ALDH18A1: variants seen among roughly 807,000 people sequenced by gnomAD.
The protein encoded by ALDH18A1 is aldehyde dehydrogenase 18 family member A1.
ALDH18A1 carries 44 observed loss-of-function variants against 88.8 expected under a neutral mutation model. That is an observed-to-expected ratio of 0.50 (90% confidence interval 0.39 to 0.64). ALDH18A1 has a LOEUF of 0.64. ALDH18A1 is among the 30% of genes least tolerant of loss of function. The probability of loss-of-function intolerance (pLI) is 0.00; values close to 1 mark genes in which losing one functional copy is unlikely to be tolerated. For synonymous variants in ALDH18A1, 331 were observed against 372.1 expected, an observed-to-expected ratio of 0.89 and a Z score of 1.27; for missense variants, 782 against 1,009.5, an observed-to-expected ratio of 0.77 and a Z score of 3.05.
chr10:95,654,043 G>T (rs1396150652), intron 1 of ALDH18A1, among the ~76,000 whole-genome samples: 1 of 152,158 alleles, frequency 6.6e-6, no homozygotes, highest in Non-Finnish European at 1.5e-5. Flanking sequence ...ACATAAGGCA[G>T]TTATGGGCAT....
At chr10:95,648,431 C>A (rs1008607061) in intron 2 of ALDH18A1, among the ~76,000 whole-genome samples, 2 of 151,972 alleles carry the variant, frequency 1.3e-5, no homozygotes, top group Non-Finnish European at 2.9e-5. Context: ...TTATTATTAT[C>A]CCCATTTTAT....
intron 3 of ALDH18A1, among the ~76,000 whole-genome samples, chr10:95,639,727 C>T (rs983259299): frequency 3.3e-5 from 5 of 152,062 alleles, no homozygotes; most frequent in African/African-American, 1.2e-4. Context: ...CCCTGCATTA[C>T]AAATTAATTG....
chr10:95,641,810 A>T (rs896969224), intron 3 of ALDH18A1, among the ~76,000 whole-genome samples: 6 of 151,530 alleles, frequency 4.0e-5, no homozygotes, highest in South Asian at 2.1e-4. Flanking sequence ...GCTAATTTTT[A>T]AAAAAATTTT....
intron 16 of ALDH18A1, among the ~76,000 whole-genome samples, chr10:95,610,777 G>A (rs1679944204): frequency 6.6e-6 from 1 of 152,172 alleles, no homozygotes; most frequent in African/African-American, 2.4e-5. Context: ...AATACGGGTG[G>A]TACTGCTCTG....
At chr10:95,626,896 G>A (rs2097861192) in intron 9 of ALDH18A1, 120 bp from the exon 10 acceptor site, 3 of 994,440 alleles carry the variant, frequency 3.0e-6, no homozygotes, top group Non-Finnish European at 4.7e-6. Context: ...AGGAACACAT[G>A]ATGTCTTGGT....
intron 15 of ALDH18A1, 145 bp downstream of exon 15, chr10:95,613,597 C>G: frequency 9.2e-7 from 1 of 1,087,662 alleles, no homozygotes; most frequent in African/African-American, 1.6e-5. Context: ...GTTTTACTCA[C>G]ACTTTACTTA....
rs752285111 is a variant in ALDH18A1, at chr10:95,613,838, T to A, written c.1827A>T (p.Pro609=). 6.2e-7 allele frequency: 1 copy of A among 1,614,210 alleles called. No individual in the cohort carries two copies. Among genetic ancestry groups the A allele is most frequent in the Non-Finnish European group, 8.5e-7 (1 of 1,180,022 alleles). The change falls in exon 15 of 18, where the codon CCA becomes CCT. Residue 609 remains proline, a synonymous_variant. Transcript: ENST00000371224. ...AAGTCTCCAAAGCATTACAGGCAGC[T>A]GGATATTCACATTTAGAGTCTCTGA... ...RLVRDSKCEY[P]AACNALETLL...
chr10:95,650,145 AAATCTTCAG>A (rs1329181880), intron 2 of ALDH18A1, among the ~76,000 whole-genome samples: 1 of 152,216 alleles, frequency 6.6e-6, no homozygotes, highest in Non-Finnish European at 1.5e-5. Flanking sequence ...ACATACGAGA[AAATCTTCAG>A]AATACGGGGT....
In ALDH18A1 at chr10:95,643,001, AAT is replaced by A; in HGVS notation, c.292_293del (p.Ile98CysfsTer2). The stretch of plus-strand genomic sequence containing the variant: ...CTATCTTGGCAATCACCTGCTCAAC[AAT>A]AGATGCCAAGCGCCCCAGGGCCAGG... Reference protein sequence around the residue: ...CGLALGRLASIVEQVSVLQNQ... With the variant: ...CGLALGRLASXVEQVSVLQNQ... On this transcript the variant is annotated frameshift_variant, in exon 3 of 18. Coordinates refer to ENST00000371224, the MANE Select transcript of ALDH18A1 (RefSeq NM_002860.4). LOFTEE classifies it high-confidence loss of function. 6.2e-7 allele frequency: 1 copy of A among 1,613,472 alleles called. No individual in the cohort carries two copies. The highest frequency in any genetic ancestry group is 8.5e-7 in the Non-Finnish European group (1 of 1,179,904).
intron 17 of ALDH18A1, among the ~76,000 whole-genome samples, chr10:95,609,961 G>C (rs1333774787): frequency 1.3e-5 from 2 of 151,808 alleles, no homozygotes; most frequent in African/African-American, 2.4e-5. Context: ...GTAGAGACAG[G>C]GTTTCACCAT....
intron 7 of ALDH18A1, among the ~76,000 whole-genome samples, chr10:95,630,196 A>G (rs2097866553): frequency 6.6e-6 from 1 of 152,100 alleles, no homozygotes. Flanking sequence ...CTGCAGCGTC[A>G]ACTTCCTGGG....
At position 95,621,218 on chromosome 10, in the gene ALDH18A1, C is replaced by T; in HGVS notation, c.1280G>A (p.Ser427Asn). 1.2e-6 allele frequency: 2 copies of T among 1,613,710 alleles called. No homozygotes were observed. Among genetic ancestry groups the T allele is most frequent in the Admixed American group, 3.3e-5 (2 of 60,008 alleles). The change falls in exon 12 of 18, where the codon AGC (serine) becomes AAC (asparagine). Residue 427 changes from serine to asparagine, a missense_variant. Around this residue, in one of 3 missense-constraint regions of ALDH18A1, gnomAD observed 556 missense variants for 654.5 expected, o/e 0.85. Coordinates refer to ENST00000371224, the MANE Select transcript of ALDH18A1 (RefSeq NM_002860.4). ...RLAAPLLKRL[S>N]LSTSKLNSLA... ...GCTGTTCAATTTGGATGTGGAGAGGCTTAAACGTTTCAGCAGAGGAGCTGC... is the reference window on the plus strand; with the variant it reads ...GCTGTTCAATTTGGATGTGGAGAGGTTTAAACGTTTCAGCAGAGGAGCTGC...
At chr10:95,636,848 T>C (rs1363873674) in intron 5 of ALDH18A1, among the ~76,000 whole-genome samples, 1 of 152,260 alleles carries the variant, frequency 6.6e-6, no homozygotes, top group Admixed American at 6.5e-5. Flanking sequence ...CCAAACACTA[T>C]ACTAAATGCT....
chr10:95,623,165 TAA>T (rs552778394), intron 11 of ALDH18A1, among the ~76,000 whole-genome samples: 8 of 151,234 alleles, frequency 5.3e-5, no homozygotes, highest in Admixed American at 2.6e-4. Context: ...CCCCATATGC[TAA>T]AAAAAAAGTT....
intron 7 of ALDH18A1, among the ~76,000 whole-genome samples, chr10:95,632,402 G>C (rs1297926087): frequency 6.6e-6 from 1 of 152,188 alleles, no homozygotes; most frequent in Non-Finnish European, 1.5e-5. Context: ...GTCTCGCTCT[G>C]TCACCCAGGC....
chr10:95,650,825 C>T (rs1052349481), intron 2 of ALDH18A1, among the ~76,000 whole-genome samples: 1 of 151,412 alleles, frequency 6.6e-6, no homozygotes, highest in South Asian at 2.1e-4. Context: ...AAAAAAAAAA[C>T]AACTTTCCAA....
chr10:95,616,457 G>A lies in ALDH18A1; in HGVS notation c.1605+20C>T, dbSNP rs1271156501. 1 of 1,556,932 alleles carries A rather than the reference G, an allele frequency of 6.4e-7. No individual in the cohort carries two copies. Among genetic ancestry groups the A allele is most frequent in the East Asian group, 2.4e-5 (1 of 41,848 alleles). On this transcript the variant is annotated intron_variant, in intron 13 of 17. Transcript: ENST00000371224. ...ATCTGGCCCCTCTGGGCCTGACTTG[G>A]TGCATTCCCAGGGACCTACCAGTTG...
chr10:95,653,795 G>A (rs375779319), intron 1 of ALDH18A1, among the ~76,000 whole-genome samples: 1 of 152,164 alleles, frequency 6.6e-6, no homozygotes, highest in African/African-American at 2.4e-5. Flanking sequence ...CCACCTTTCT[G>A]CTAACATCTC....
intron 12 of ALDH18A1, 115 bp downstream of exon 12, chr10:95,620,916 G>A (rs1278952753): frequency 2.0e-5 from 21 of 1,045,802 alleles, no homozygotes; most frequent in Non-Finnish European, 2.8e-5. Context: ...TTGTGCACAT[G>A]TACCCTAGAA....
Sources: allele counts gnomAD v4.1 joint callset (sites outside exome capture counted in the v4.1 genomes callset), GRCh38; gene constraint gnomAD v4.1.1; regional missense constraint gnomAD v4.1.1; transcripts MANE v1.5; gene names NCBI Gene and HGNC (gene_info 2026-07-23, HGNC 2026-07-21).